KCNG2: variants seen among roughly 807,000 people sequenced by gnomAD.
The protein encoded by KCNG2 is potassium voltage-gated channel modifier subfamily G member 2, also known as voltage-gated potassium channel regulatory subunit KCNG2.
In KCNG2, 7 loss-of-function variants were observed where a neutral mutation model predicts 12.3. The ratio of observed to expected loss-of-function variants is 0.57; its 90% CI spans 0.32 to 1.07. KCNG2 has a LOEUF of 1.07. Among genes scored for constraint, KCNG2 ranks in the 50% least tolerant of loss-of-function variants. The pLI, the probability that KCNG2 is intolerant of heterozygous loss-of-function variation, is 0.04. For missense variants in KCNG2, 703 were observed against 726.0 expected (o/e 0.97, Z 0.36); for synonymous variants, 414 against 351.4 (o/e 1.18, Z -1.99).
rs538860951 is a variant in KCNG2, at chr18:79,888,292, G to A, written c.625-10748G>A. On this transcript the variant is annotated intron_variant, in intron 3 of 3. Coordinates refer to ENST00000316249, the MANE Select transcript of KCNG2 (RefSeq NM_012283.2). ...CTTCCACCAGCTGTGCCAACAGGCT[G>A]CAGACTCCTGAGAAGGTCCCCAGCC... Among the ~76,000 whole-genome samples, 65 of 152,318 alleles carry A rather than the reference G, an allele frequency of 4.3e-4. 1 individual carries two copies. The highest frequency in any genetic ancestry group is 1.4e-3 in the African/African-American group (60 of 41,586).
chr18:79,877,446 TA>T (rs1980118786), intron 3 of KCNG2, among the ~76,000 whole-genome samples: 1 of 152,120 alleles, frequency 6.6e-6, no homozygotes, highest in African/African-American at 2.4e-5. Flanking sequence ...AGGATTTGAC[TA>T]CACACTAAAT....
intron 1 of KCNG2, among the ~76,000 whole-genome samples, chr18:79,812,721 C>T (rs1051908979): frequency 7.2e-5 from 11 of 151,948 alleles, no homozygotes; most frequent in African/African-American, 1.5e-4. Context: ...ATTAGCCAGG[C>T]GTGGTGGTGC....
At chr18:79,814,060 A>T (rs1023214868) in intron 1 of KCNG2, among the ~76,000 whole-genome samples, 3 of 152,226 alleles carry the variant, frequency 2.0e-5, no homozygotes, top group Non-Finnish European at 4.4e-5. Context: ...GTGCCCCTAC[A>T]CATCTACCAG....
At position 79,884,507 on chromosome 18, in the gene KCNG2, A is replaced by G. The variant is rs1980444805; in HGVS notation, c.625-14533A>G. 1.3e-5 allele frequency among the ~76,000 whole-genome samples: 2 copies of G among 152,092 alleles called. No homozygotes were observed. The highest frequency in any genetic ancestry group is 1.3e-4 in the Admixed American group (2 of 15,276). The stretch of plus-strand genomic sequence containing the variant: ...GCCACTGGGTCCCCGGGGGAGAGCC[A>G]GGCTGTGATGTCCCGATGCAGTGGA... On this transcript the variant is annotated intron_variant, in intron 3 of 3. Transcript: ENST00000316249. This position sits in a 1 kb window ranked among gnomAD's most constrained non-coding sequence, Gnocchi z 5.5.
intron 3 of KCNG2, among the ~76,000 whole-genome samples, chr18:79,877,404 C>A (rs554809746): frequency 8.2e-4 from 125 of 152,248 alleles, no homozygotes; most frequent in African/African-American, 2.7e-3. Flanking sequence ...CCAGGAGATA[C>A]ACAGGCAGCA....
rs377444522 is a variant in KCNG2, at chr18:79,859,856, CTT to C, written c.-41+3405_-41+3406del. Among the ~76,000 whole-genome samples the C allele has an allele frequency of 4.7e-4, 72 of 152,290 alleles. No individual in the cohort carries two copies. The East Asian group carries it at 0.014, about 29-fold the overall frequency. On this transcript the variant is annotated intron_variant, in intron 2 of 3. Transcript: ENST00000316249. The stretch of plus-strand genomic sequence containing the variant: ...TCTCTCTTTACACTAGTACTACACT[CTT>C]GATTGCTGTAGCTTTATACTCACTT...
At chr18:79,842,794 G>C (rs900694541) in intron 1 of KCNG2, among the ~76,000 whole-genome samples, 2 of 152,146 alleles carry the variant, frequency 1.3e-5, no homozygotes, top group African/African-American at 4.8e-5. Flanking sequence ...TCAAAGATAG[G>C]ACATTTGTAG....
chr18:79,828,473 G>A (rs1330648559), intron 1 of KCNG2, among the ~76,000 whole-genome samples: 2 of 151,294 alleles, frequency 1.3e-5, no homozygotes, highest in African/African-American at 4.9e-5. Context: ...GTGTCTGTGT[G>A]TGCATGAATG....
At chr18:79,807,100 C>T (rs2087454997) in intron 1 of KCNG2, among the ~76,000 whole-genome samples, 1 of 152,154 alleles carries the variant, frequency 6.6e-6, no homozygotes, top group African/African-American at 2.4e-5. Context: ...AAACTGACCC[C>T]GGGAGGGTTT....
intron 3 of KCNG2, among the ~76,000 whole-genome samples, chr18:79,879,239 A>G (rs1454958477): frequency 1.3e-5 from 2 of 152,262 alleles, no homozygotes; most frequent in Non-Finnish European, 2.9e-5. Context: ...GCTGGTGCAC[A>G]GGGCCTGACG....
Position 79,899,251 on chromosome 18 carries a change from T to C in KCNG2, c.836T>C (p.Leu279Pro), listed in dbSNP as rs1981099366. 6.3e-7 allele frequency: 1 copy of C among 1,594,346 alleles called. No individual in the cohort carries two copies. Among genetic ancestry groups the C allele is most frequent in the Non-Finnish European group, 8.5e-7 (1 of 1,176,532 alleles). The part of the protein sequence containing the change: ...GLAAGPGGTK[L>P]LERAGLVLRL... The stretch of plus-strand genomic sequence containing the variant: ...GCGGCAGGCCCGGGCGGGACCAAGC[T>C]CCTGGAGCGCGCGGGGCTGGTGCTG... The change falls in exon 4 of 4, where the codon CTC becomes CCC. Residue 279 changes from leucine (L) to proline (P), a missense_variant. Transcript: ENST00000316249.
At chr18:79,809,802 G>A (rs113924219) in intron 1 of KCNG2, among the ~76,000 whole-genome samples, 40 of 152,360 alleles carry the variant, frequency 2.6e-4, no homozygotes, top group African/African-American at 8.4e-4. Context: ...AGGAGCTGTG[G>A]TCACCTCGTC....
intron 1 of KCNG2, among the ~76,000 whole-genome samples, chr18:79,801,653 G>A (rs1338059348): frequency 6.6e-6 from 1 of 152,270 alleles, no homozygotes; most frequent in Non-Finnish European, 1.5e-5. Context: ...GAATTATGGG[G>A]CCCAGTGTAG....
rs1981166071 is a variant in KCNG2, at chr18:79,900,067, CCTAG to C, written c.*255_*258del. ...TTCCTTGGATTTTTAATTTTCTACG[CCTAG>C]CTAAAAATAAATTTAGTAAGTCCGA... On this transcript the variant is annotated 3_prime_UTR_variant, in exon 4 of 4. Coordinates refer to ENST00000316249, the MANE Select transcript of KCNG2 (RefSeq NM_012283.2). The C allele has an allele frequency of 2.8e-6, 1 of 359,384 alleles. No individual in the cohort carries two copies. Among genetic ancestry groups the C allele is most frequent in the Non-Finnish European group, 5.0e-6 (1 of 201,584 alleles). 22.3% of individuals were successfully genotyped at this position (359,384 alleles called of 1,614,324 possible). A position where few individuals can be genotyped will look rare whatever the true frequency, so the allele number is the denominator to read the frequency against.
rs2123142207 is a variant in KCNG2 at position 79,899,502 on chromosome 18, G to A, written c.1087G>A (p.Ala363Thr). ...CAGCGTGCCCGCCAGCTATTGGTGG[G>A]CCGTCATCTCCATGACCACCGTGGG... ...FSSVPASYWW[A>T]VISMTTVGYG... The change falls in exon 4 of 4, where the codon GCC (alanine) becomes ACC (threonine). Residue 363 changes from alanine to threonine, a missense_variant. Coordinates refer to ENST00000316249, the MANE Select transcript of KCNG2 (RefSeq NM_012283.2). 1.9e-6 allele frequency: 3 copies of A among 1,607,608 alleles called. No individual in the cohort carries two copies. Among genetic ancestry groups the A allele is most frequent in the Non-Finnish European group, 1.7e-6 (2 of 1,177,864 alleles).
intron 3 of KCNG2, among the ~76,000 whole-genome samples, chr18:79,868,975 T>C (rs1195280038): frequency 6.6e-6 from 1 of 152,208 alleles, no homozygotes; most frequent in Non-Finnish European, 1.5e-5. Flanking sequence ...TCTGATGGGA[T>C]GTGTGCGGGA....
Position 79,849,025 on chromosome 18 carries a change from G to A in KCNG2, c.-114-7354G>A, listed in dbSNP as rs566521429. On this transcript the variant is annotated intron_variant, in intron 1 of 3. Coordinates refer to ENST00000316249, the MANE Select transcript of KCNG2 (RefSeq NM_012283.2). ...GATAATGAGTGCTTCCTGGACACGG[G>A]ACCCGTGCGGACACAGGAGAGGCCT... 3.3e-5 allele frequency among the ~76,000 whole-genome samples: 5 copies of A among 152,228 alleles called. No individual in the cohort carries two copies. The South Asian group carries it at 8.3e-4, about 25-fold the overall frequency.
At chr18:79,857,708 A>AGGCTT (rs1279370520) in intron 2 of KCNG2, among the ~76,000 whole-genome samples, 1 of 151,798 alleles carries the variant, frequency 6.6e-6, no homozygotes, top group Admixed American at 6.6e-5. Flanking sequence ...CTCAGTGATG[A>AGGCTT]GGCTTGCGTG....
rs537732632 is a variant in KCNG2 at position 79,843,935 on chromosome 18, C to A, written c.-114-12444C>A. Among the ~76,000 whole-genome samples, 29 of 152,220 alleles carry A rather than the reference C, an allele frequency of 1.9e-4. 1 individual carries two copies. In the East Asian group the frequency reaches 5.4e-3, roughly 28 times the overall value. ...ATTCTCCAATCAAAAGACATAGAAT[C>A]ACTGAATGGATTTTAAAATAAAATC... On this transcript the variant is annotated intron_variant, in intron 1 of 3. Transcript: ENST00000316249.
Sources: allele counts gnomAD v4.1 joint callset (sites outside exome capture counted in the v4.1 genomes callset), GRCh38; gene constraint gnomAD v4.1.1; non-coding constraint Gnocchi (gnomAD v3.1); transcripts MANE v1.5; gene names NCBI Gene and HGNC (gene_info 2026-07-23, HGNC 2026-07-21).